Variants in SDCCAG8 observed in about 807,000 individuals in gnomAD.
The protein encoded by SDCCAG8 is SHH signaling and ciliogenesis regulator SDCCAG8, also known as serologically defined colon cancer antigen 8.
A neutral mutation model predicts 101.8 loss-of-function variants in SDCCAG8; 74 were observed. The observed-to-expected ratio is 0.73, with a 90% confidence interval of 0.60 to 0.88. The LOEUF is 0.88. Among genes scored for constraint, SDCCAG8 ranks in the 40% least tolerant of loss-of-function variants. SDCCAG8 has a pLI of 0.00. For missense variants in SDCCAG8, 787 were observed against 822.6 expected, an observed-to-expected ratio of 0.96 and a Z score of 0.53; for synonymous variants, 281 against 292.9, an observed-to-expected ratio of 0.96 and a Z score of 0.41.
At chr1:243,328,558 T>A (rs1170955862) in intron 9 of SDCCAG8, among the ~76,000 whole-genome samples, 1 of 151,756 alleles carries the variant, frequency 6.6e-6, no homozygotes, top group East Asian at 1.9e-4. Flanking sequence ...ATTACAGGCG[T>A]GAGCCACCAC....
Position 243,426,666 on chromosome 1 carries a change from C to T in SDCCAG8, c.1985+108C>T, listed in dbSNP as rs1186736089. The stretch of plus-strand genomic sequence containing the variant: ...AGTAGAATTCATCATCATTATGCTA[C>T]TTGTGACATGCTCAAAATCTAATAC... On this transcript the variant is annotated intron_variant, in intron 16 of 17. Transcript: ENST00000366541. The T allele has an allele frequency of 1.2e-5, 16 of 1,320,128 alleles. No individual in the cohort carries two copies. The East Asian group carries it at 3.5e-4, about 29-fold the overall frequency. The allele number at this position is 1,320,128 out of a possible 1,614,324, so 81.8% of individuals were successfully genotyped here.
chr1:243,409,866 T>A (rs1202229143), intron 13 of SDCCAG8, among the ~76,000 whole-genome samples: 2 of 152,130 alleles, frequency 1.3e-5, no homozygotes, highest in African/African-American at 2.4e-5. Flanking sequence ...AATAATGGAG[T>A]AAAAAAGTCA....
intron 16 of SDCCAG8, among the ~76,000 whole-genome samples, chr1:243,430,506 G>A (rs1167062284): frequency 1.3e-5 from 2 of 151,906 alleles, no homozygotes; most frequent in Admixed American, 6.6e-5. Context: ...GTGCAGTGGC[G>A]CAATCTTGGC....
intron 10 of SDCCAG8, among the ~76,000 whole-genome samples, chr1:243,332,506 C>G (rs935661853): frequency 6.7e-6 from 1 of 149,328 alleles, no homozygotes; most frequent in Non-Finnish European, 1.5e-5. Flanking sequence ...CATAATCCAG[C>G]TCTGGAGGTG....
chr1:243,270,313 C>T (rs904883226), intron 2 of SDCCAG8, 56 bp downstream of exon 2: 40 of 1,460,646 alleles, frequency 2.7e-5, no homozygotes, highest in Middle Eastern at 1.7e-4. Flanking sequence ...TTTTAAACTC[C>T]GTAGAATAAT....
In SDCCAG8 at chr1:243,336,452, C is replaced by T. The variant is rs1235509515; in HGVS notation, c.1222-4587C>T. Among the ~76,000 whole-genome samples the T allele has an allele frequency of 8.5e-5, 13 of 152,170 alleles. 1 individual carries two copies. The highest frequency in any genetic ancestry group is 3.1e-4 in the African/African-American group (13 of 41,434). Reference sequence around the variant, plus strand: ...TTATAAAGAAAAGAGCTTTAATTGGCTCATGGTTCTGCAGGCTGAACGGGA... The same window carrying T: ...TTATAAAGAAAAGAGCTTTAATTGGTTCATGGTTCTGCAGGCTGAACGGGA... On this transcript the variant is annotated intron_variant, in intron 10 of 17. Transcript: ENST00000366541.
At chr1:243,368,630 C>A (rs746913850) in intron 12 of SDCCAG8, among the ~76,000 whole-genome samples, 5 of 152,120 alleles carry the variant, frequency 3.3e-5, no homozygotes, top group Non-Finnish European at 7.4e-5. Flanking sequence ...TCATTGAGCA[C>A]CATTCCTGGG....
At chr1:243,449,672 A>G (rs1327352113) in intron 16 of SDCCAG8, among the ~76,000 whole-genome samples, 1 of 152,242 alleles carries the variant, frequency 6.6e-6, no homozygotes, top group Non-Finnish European at 1.5e-5. Flanking sequence ...CATGGCCCTT[A>G]ACACATAGTG....
At chr1:243,443,452 A>G (rs1439814771) in intron 16 of SDCCAG8, among the ~76,000 whole-genome samples, 1 of 152,176 alleles carries the variant, frequency 6.6e-6, no homozygotes, top group Non-Finnish European at 1.5e-5. Context: ...GGAAGGTTGC[A>G]TAGGATGGGG....
In SDCCAG8 at chr1:243,500,026, G is replaced by A; in HGVS notation, c.*241G>A. 1 of 563,394 alleles carries A rather than the reference G, an allele frequency of 1.8e-6. No individual in the cohort carries two copies. The highest frequency in any genetic ancestry group is 3.2e-6 in the Non-Finnish European group (1 of 316,796). 34.9% of individuals were successfully genotyped at this position (563,394 alleles called of 1,614,324 possible). A position where few individuals can be genotyped will look rare whatever the true frequency, so the allele number is the denominator to read the frequency against. On this transcript the variant is annotated 3_prime_UTR_variant, in exon 18 of 18. Transcript: ENST00000366541. The stretch of plus-strand genomic sequence containing the variant: ...TTTCAGAAATGGCTTGAAGTTATGT[G>A]TTTAAATCTGCTCATTCGTATGCTA...
At chr1:243,391,679 A>G (rs2078709549) in intron 13 of SDCCAG8, among the ~76,000 whole-genome samples, 1 of 152,210 alleles carries the variant, frequency 6.6e-6, no homozygotes, top group Non-Finnish European at 1.5e-5. Context: ...TCCCTTTGAC[A>G]CCTTTCCTGT....
chr1:243,480,581 G>T (rs1574300517), intron 16 of SDCCAG8, among the ~76,000 whole-genome samples: 1 of 108,750 alleles, frequency 9.2e-6, no homozygotes, highest in Non-Finnish European at 1.9e-5. Flanking sequence ...TGGGTGGGTG[G>T]GATGGATGGG....
In SDCCAG8 at chr1:243,259,330, C is replaced by G. The variant is rs375942128; in HGVS notation, c.67+3090C>G. 3.4e-4 allele frequency among the ~76,000 whole-genome samples: 52 copies of G among 151,868 alleles called. No homozygotes were observed. The East Asian group carries it at 7.8e-3, about 23-fold the overall frequency. ...GCTGAGGCAGGAGAATGGCATGAAC[C>G]CAGGAGGTGGAGCTTGCAGTGAGCC... On this transcript the variant is annotated intron_variant, in intron 1 of 17. Transcript: ENST00000366541.
chr1:243,369,352 A>G (rs534356436), intron 12 of SDCCAG8, among the ~76,000 whole-genome samples: 81 of 152,310 alleles, frequency 5.3e-4, no homozygotes, highest in Non-Finnish European at 1.1e-3. Flanking sequence ...AAAGGTACAC[A>G]TGTACTGTGA....
chr1:243,316,889 C>T lies in SDCCAG8; in HGVS notation c.1064C>T (p.Thr355Ile). Residue 355 changes from threonine to isoleucine, a missense_variant, in exon 9 of 18, where the codon ACC becomes ATC. Transcript: ENST00000366541. ...QISEEANFEK[T>I]KALIQCDQLR... Reference sequence around the variant, plus strand: ...TCTGAGGAAGCCAATTTTGAAAAAACCAAGGCAAGTCTAATAAGATGCAAA... The same window carrying T: ...TCTGAGGAAGCCAATTTTGAAAAAATCAAGGCAAGTCTAATAAGATGCAAA... The T allele has an allele frequency of 6.2e-7, 1 of 1,613,940 alleles. No individual in the cohort carries two copies. The highest frequency in any genetic ancestry group is 8.5e-7 in the Non-Finnish European group (1 of 1,179,938).
chr1:243,296,372 C>T (rs2070876695), intron 6 of SDCCAG8, among the ~76,000 whole-genome samples: 1 of 151,988 alleles, frequency 6.6e-6, no homozygotes, highest in South Asian at 2.1e-4. Flanking sequence ...TTCTCCTGAC[C>T]CTACATTCAC....
chr1:243,267,566 C>T (rs1450286177), intron 1 of SDCCAG8: 1 of 469,824 alleles, frequency 2.1e-6, no homozygotes, highest in South Asian at 2.0e-5. Context: ...TGCGCCATCG[C>T]ACTCCAGCCT....
rs1313380686 is a variant in SDCCAG8 at position 243,458,098 on chromosome 1, T to G, written c.1986-30916T>G. ...GATACAGTTCTGTCCTCATCTTGACTTTTGTGTGGGTCAGAGTGAGTTACT... is the reference window on the plus strand; with the variant it reads ...GATACAGTTCTGTCCTCATCTTGACGTTTGTGTGGGTCAGAGTGAGTTACT... On this transcript the variant is annotated intron_variant, in intron 16 of 17. Coordinates refer to ENST00000366541, the MANE Select transcript of SDCCAG8 (RefSeq NM_006642.5). The surrounding 1 kb of genome is among the most constrained non-coding windows in gnomAD (Gnocchi z 4.5). 2.6e-5 allele frequency among the ~76,000 whole-genome samples: 4 copies of G among 152,248 alleles called. No homozygotes were observed. Among genetic ancestry groups the G allele is most frequent in the African/African-American group, 9.6e-5 (4 of 41,470 alleles).
intron 16 of SDCCAG8, among the ~76,000 whole-genome samples, chr1:243,443,325 A>T (rs547154851): frequency 6.6e-6 from 1 of 152,348 alleles, no homozygotes; most frequent in African/African-American, 2.4e-5. Flanking sequence ...CCTTTGTACC[A>T]GTGTTAGTGA....
Sources: allele counts gnomAD v4.1 joint callset (sites outside exome capture counted in the v4.1 genomes callset), GRCh38; gene constraint gnomAD v4.1.1; non-coding constraint Gnocchi (gnomAD v3.1); transcripts MANE v1.5; gene names NCBI Gene and HGNC (gene_info 2026-07-23, HGNC 2026-07-21).